The following TMIGD3 variants were observed in gnomAD, a reference collection of about 807,000 sequenced individuals.
TMIGD3 encodes the protein AD026 protein (AD026).
Under a neutral mutation model 28.1 loss-of-function variants are expected in TMIGD3, and 21 were observed. The ratio of observed to expected loss-of-function variants is 0.75; its 90% confidence interval spans 0.53 to 1.08. TMIGD3 has a LOEUF of 1.08. Among genes scored for constraint, TMIGD3 ranks in the 50% least tolerant of loss-of-function variants. The pLI is 0.00. For missense variants in TMIGD3, 416 were observed against 435.6 expected (o/e 0.96, Z 0.40); for synonymous variants, 151 against 162.1 (o/e 0.93, Z 0.52).
At chr1:111,500,900 T>G in intron 1 of TMIGD3, 1 of 403,124 alleles carries the variant, frequency 2.5e-6, no homozygotes, top group Non-Finnish European at 4.4e-6. Context: ...GCTATACAAC[T>G]GTTACCTATC....
chr1:111,530,331 T>G (rs1656418434), intron 1 of TMIGD3, among the ~76,000 whole-genome samples: 1 of 152,294 alleles, frequency 6.6e-6, no homozygotes, highest in South Asian at 2.1e-4. Flanking sequence ...TTGTTTTTGT[T>G]TTGCACAATT....
At chr1:111,555,104 A>C (rs886504520) in intron 1 of TMIGD3, among the ~76,000 whole-genome samples, 2 of 152,122 alleles carry the variant, frequency 1.3e-5, no homozygotes, top group African/African-American at 4.8e-5. Flanking sequence ...AGTGACTCAC[A>C]CCTGTAATTC....
chr1:111,523,714 A>G (rs1005672796), intron 1 of TMIGD3, among the ~76,000 whole-genome samples: 2 of 152,020 alleles, frequency 1.3e-5, no homozygotes, highest in African/African-American at 4.8e-5. Context: ...TTTTTGTTCC[A>G]TGTTATCTAA....
chr1:111,511,878 C>T (rs1306876705), intron 1 of TMIGD3, among the ~76,000 whole-genome samples: 1 of 152,200 alleles, frequency 6.6e-6, no homozygotes, highest in Non-Finnish European at 1.5e-5. Context: ...ACACATTACT[C>T]CTGATCACTG....
At chr1:111,560,260 A>G (rs1311054134) in intron 1 of TMIGD3, among the ~76,000 whole-genome samples, 1 of 152,086 alleles carries the variant, frequency 6.6e-6, no homozygotes, top group Non-Finnish European at 1.5e-5. Flanking sequence ...TAACAAAGAG[A>G]GTGAGGTCAA....
rs1385103724 is a variant in TMIGD3 at position 111,488,700 on chromosome 1, G to C, written c.782C>G (p.Ala261Gly). The C allele has an allele frequency of 6.2e-7, 1 of 1,613,760 alleles. No homozygotes were observed. Among genetic ancestry groups the C allele is most frequent in the African/African-American group, 1.3e-5 (1 of 74,890 alleles). Residue 261 changes from alanine to glycine, a missense_variant, in exon 3 of 6, where the codon GCC (alanine) becomes GGC (glycine). Coordinates refer to ENST00000369716, the MANE Select transcript of TMIGD3 (RefSeq NM_020683.7). The part of the protein sequence containing the change: ...LIVTDDKGTL[A>G]NDFWSGKDLS... Reference sequence around the variant, plus strand: ...ACCTTTCCCAGACCAAAAGTCATTGGCCAGGGTTCCTTTGTCGTCAGTTAC... The same window carrying C: ...ACCTTTCCCAGACCAAAAGTCATTGCCCAGGGTTCCTTTGTCGTCAGTTAC...
intron 1 of TMIGD3, among the ~76,000 whole-genome samples, chr1:111,563,480 G>A (rs953340792): frequency 1.3e-5 from 2 of 152,092 alleles, no homozygotes; most frequent in Non-Finnish European, 2.9e-5. Context: ...AGGGACATTC[G>A]GGAGAAACGA....
chr1:111,551,217 C>T lies in TMIGD3; in HGVS notation c.107+12629G>A, dbSNP rs145664187. Reference sequence around the variant, plus strand: ...TCTTCTAACCTCTGCCTTTTGAGAGCTAATTCATTCACATTTAATGTAATT... The same window carrying T: ...TCTTCTAACCTCTGCCTTTTGAGAGTTAATTCATTCACATTTAATGTAATT... On this transcript the variant is annotated intron_variant, in intron 1 of 5. Transcript: ENST00000369717. Among the ~76,000 whole-genome samples, 270 of 152,204 alleles carry T rather than the reference C, an allele frequency of 1.8e-3. 2 individuals carry two copies. The highest frequency in any genetic ancestry group is 6.4e-3 in the African/African-American group (265 of 41,520).
chr1:111,546,559 A>T (rs1253727721), intron 1 of TMIGD3, among the ~76,000 whole-genome samples: 2 of 152,148 alleles, frequency 1.3e-5, no homozygotes, highest in African/African-American at 2.4e-5. Flanking sequence ...ACTTAGCATA[A>T]TGTCCTTAAG....
At chr1:111,486,232 A>C (rs571741850) in intron 4 of TMIGD3, among the ~76,000 whole-genome samples, 1 of 152,328 alleles carries the variant, frequency 6.6e-6, no homozygotes, top group South Asian at 2.1e-4. Context: ...GATTCGAAGC[A>C]GATTAGAGAC....
intron 1 of TMIGD3, among the ~76,000 whole-genome samples, chr1:111,541,000 T>C (rs1471035743): frequency 2.0e-5 from 3 of 151,602 alleles, no homozygotes; most frequent in Non-Finnish European, 4.4e-5. Context: ...ATAAATATTT[T>C]AGGCATTGGA....
chr1:111,486,399 T>C (rs1467811475), intron 4 of TMIGD3, among the ~76,000 whole-genome samples, 187 bp downstream of exon 4: 1 of 137,190 alleles, frequency 7.3e-6, no homozygotes, highest in Non-Finnish European at 1.5e-5. Context: ...AGTCCTAAAC[T>C]GTATTTTTTT....
chr1:111,562,322 A>G (rs902202119), intron 1 of TMIGD3, among the ~76,000 whole-genome samples: 1 of 152,214 alleles, frequency 6.6e-6, no homozygotes, highest in Admixed American at 6.5e-5. Context: ...CAACCATAAT[A>G]GGAGGTCAAG....
chr1:111,521,640 G>C (rs1362117196), intron 1 of TMIGD3, among the ~76,000 whole-genome samples: 5 of 152,124 alleles, frequency 3.3e-5, no homozygotes, highest in Non-Finnish European at 7.4e-5. Flanking sequence ...TAATGAAGTT[G>C]TTAGAATTCT....
intron 1 of TMIGD3, among the ~76,000 whole-genome samples, chr1:111,548,683 G>A (rs530366805): frequency 2.9e-4 from 44 of 152,274 alleles, no homozygotes; most frequent in African/African-American, 9.4e-4. Flanking sequence ...GGATGTGGAT[G>A]GTCTGCCACC....
At chr1:111,542,074 G>C (rs774609781) in intron 1 of TMIGD3, 3 of 200,914 alleles carry the variant, frequency 1.5e-5, no homozygotes, top group African/African-American at 2.8e-5. Flanking sequence ...ACTCAGGGTG[G>C]TGCAAAGAAG....
At chr1:111,499,459 A>G in intron 1 of TMIGD3, 1 of 992,378 alleles carries the variant, frequency 1.0e-6, no homozygotes, top group South Asian at 4.5e-5. Flanking sequence ...ACTCAAAAAC[A>G]TCCACAGGTG....
chr1:111,529,121 T>C (rs1465321387), intron 1 of TMIGD3, among the ~76,000 whole-genome samples: 2 of 151,726 alleles, frequency 1.3e-5, no homozygotes, highest in Non-Finnish European at 2.9e-5. Context: ...TTATTTTTTG[T>C]AATTTGAAAA....
intron 1 of TMIGD3, among the ~76,000 whole-genome samples, chr1:111,536,609 C>T (rs768647598): frequency 6.6e-6 from 1 of 152,108 alleles, no homozygotes; most frequent in Non-Finnish European, 1.5e-5. Flanking sequence ...CGCTCATACC[C>T]GCGATCCCTG....
Sources: allele counts gnomAD v4.1 joint callset (sites outside exome capture counted in the v4.1 genomes callset), GRCh38; gene constraint gnomAD v4.1.1; transcripts MANE v1.5; gene names NCBI Gene and HGNC (gene_info 2026-07-23, HGNC 2026-07-21).